PRRX2: variants seen among roughly 807,000 people sequenced by gnomAD.
PRRX2 encodes the protein paired related homeobox 2.
A neutral mutation model predicts 18.0 loss-of-function variants in PRRX2; 11 were observed. The ratio of observed to expected loss-of-function variants is 0.61; its 90% CI spans 0.39 to 1.01. The LOEUF is 1.01. Among genes scored for constraint, PRRX2 ranks in the 50% least tolerant of loss-of-function variants. PRRX2 has a pLI of 0.01. For synonymous variants in PRRX2, 177 were observed against 154.8 expected (o/e 1.14, Z -1.06); for missense variants, 387 against 351.0 (o/e 1.10, Z -0.82).
At chr9:129,716,098 G>A (rs1274631071) in intron 1 of PRRX2, among the ~76,000 whole-genome samples, 6 of 152,178 alleles carry the variant, frequency 3.9e-5, no homozygotes, top group East Asian at 1.9e-4. Flanking sequence ...AAACCCGGCC[G>A]GTGGGAATGC....
At chr9:129,696,629 C>G (rs369437628) in intron 1 of PRRX2, among the ~76,000 whole-genome samples, 3 of 152,110 alleles carry the variant, frequency 2.0e-5, no homozygotes, top group Non-Finnish European at 4.4e-5. Context: ...TAAAGCAAAG[C>G]TACCCTCGGT....
intron 1 of PRRX2, among the ~76,000 whole-genome samples, chr9:129,699,430 A>C (rs737188): frequency 1.4e-5 from 2 of 143,874 alleles, no homozygotes; most frequent in Non-Finnish European, 3.0e-5. Context: ...TCTCAAAAAA[A>C]ATATATATAT....
At chr9:129,666,184 G>A in intron 1 of PRRX2, 58 bp downstream of exon 1, 1 of 993,196 alleles carries the variant, frequency 1.0e-6, no homozygotes. Context: ...CCGGGGCCGG[G>A]GCGCGGGGTC....
chr9:129,694,813 A>T (rs1832400124), intron 1 of PRRX2, among the ~76,000 whole-genome samples: 1 of 152,130 alleles, frequency 6.6e-6, no homozygotes, highest in African/African-American at 2.4e-5. Context: ...CATGGGGGGC[A>T]GCGGAGGGAG....
chr9:129,683,381 G>A (rs1832257868), intron 1 of PRRX2, among the ~76,000 whole-genome samples: 1 of 152,208 alleles, frequency 6.6e-6, no homozygotes, highest in Admixed American at 6.5e-5. Flanking sequence ...CCTGCTCTGT[G>A]CAGGTCCTGG....
rs911042416 is a variant in PRRX2, at chr9:129,719,483, C to T, written c.447+65C>T. 7 of 1,422,364 alleles carry T rather than the reference C, an allele frequency of 4.9e-6. No individual in the cohort carries two copies. The African/African-American group carries it at 8.7e-5, about 18-fold the overall frequency. The allele number at this position is 1,422,364 out of a possible 1,614,324, so 88.1% of individuals were successfully genotyped here. On this transcript the variant is annotated intron_variant, in intron 2 of 3. Transcript: ENST00000372469. ...GTGGGAGCGCACAGCCACTGTTCAC[C>T]CGGGATTACACAGTTGCCCAGGAGG...
chr9:129,701,598 G>A (rs1279847009), intron 1 of PRRX2, among the ~76,000 whole-genome samples: 2 of 152,240 alleles, frequency 1.3e-5, no homozygotes, highest in African/African-American at 2.4e-5. Context: ...TGCACAGCCT[G>A]TGCAACCATA....
At chr9:129,666,284 G>A (rs1391003745) in intron 1 of PRRX2, among the ~76,000 whole-genome samples, 158 bp downstream of exon 1, 3 of 151,920 alleles carry the variant, frequency 2.0e-5, no homozygotes, top group Non-Finnish European at 4.4e-5. Flanking sequence ...GTGGACGGCG[G>A]TTGACCAGCA....
intron 1 of PRRX2, among the ~76,000 whole-genome samples, chr9:129,696,582 A>T (rs1219797659): frequency 1.3e-5 from 2 of 152,186 alleles, no homozygotes; most frequent in Non-Finnish European, 2.9e-5. Flanking sequence ...TCTCGAAAAA[A>T]ATAATAGTAA....
chr9:129,712,995 C>G (rs1832649641), intron 1 of PRRX2: 1 of 152,324 alleles, frequency 6.6e-6, no homozygotes, highest in Non-Finnish European at 1.5e-5. Context: ...ATGCATTTCT[C>G]AGGAGGTGAT....
intron 1 of PRRX2, among the ~76,000 whole-genome samples, chr9:129,684,412 G>GAC (rs1202663196): frequency 2.5e-5 from 3 of 120,310 alleles, no homozygotes; most frequent in African/African-American, 6.1e-5. Flanking sequence ...CACAGAGAGA[G>GAC]ACACACACAG....
chr9:129,700,118 A>G (rs1046345529), intron 1 of PRRX2, among the ~76,000 whole-genome samples: 1 of 152,176 alleles, frequency 6.6e-6, no homozygotes, highest in Non-Finnish European at 1.5e-5. Context: ...CTGCTTTAAG[A>G]ACCTTATATA....
chr9:129,678,424 G>A (rs1015714856), intron 1 of PRRX2, among the ~76,000 whole-genome samples: 3 of 152,222 alleles, frequency 2.0e-5, no homozygotes, highest in Admixed American at 1.3e-4. Context: ...CAAGGGAGCT[G>A]TGGTCCTTGG....
chr9:129,704,048 G>A (rs1832530902), intron 1 of PRRX2, among the ~76,000 whole-genome samples: 1 of 152,254 alleles, frequency 6.6e-6, no homozygotes, highest in Admixed American at 6.5e-5. Flanking sequence ...TGGTGCTTTA[G>A]GGTGGGGTCT....
intron 1 of PRRX2, among the ~76,000 whole-genome samples, chr9:129,684,360 C>G (rs1028771637): frequency 1.3e-5 from 2 of 151,742 alleles, no homozygotes; most frequent in East Asian, 3.9e-4. Context: ...GGCCTGGGTT[C>G]TCTCTCTCTG....
chr9:129,708,908 G>A (rs537281403), intron 1 of PRRX2, among the ~76,000 whole-genome samples: 8 of 152,328 alleles, frequency 5.3e-5, no homozygotes, highest in Non-Finnish European at 1.2e-4. Context: ...GGCCCTGCCC[G>A]TCTGGATCTT....
intron 1 of PRRX2, among the ~76,000 whole-genome samples, chr9:129,684,447 CA>C (rs1167684035): frequency 2.7e-4 from 40 of 148,972 alleles, no homozygotes; most frequent in African/African-American, 4.7e-4. Flanking sequence ...CACACACACA[CA>C]CACACACACA....
intron 1 of PRRX2, among the ~76,000 whole-genome samples, chr9:129,686,433 A>G (rs1189486832): frequency 6.6e-6 from 1 of 152,180 alleles, no homozygotes; most frequent in Non-Finnish European, 1.5e-5. Context: ...TGCAGTCTCC[A>G]TGTCCTGGGC....
rs565287992 is a variant in PRRX2, at chr9:129,707,217, C to T, written c.260-12014C>T. Among the ~76,000 whole-genome samples the T allele has an allele frequency of 7.2e-5, 11 of 152,194 alleles. No individual in the cohort carries two copies. In the East Asian group the frequency reaches 2.1e-3, roughly 29 times the overall value. ...GTTGCAGTGAGCTGAGATGGCGCCA[C>T]TGCACTCCAGCCTGGGCAACATAAT... On this transcript the variant is annotated intron_variant, in intron 1 of 3. Transcript: ENST00000372469.
Sources: gnomAD v4.1 joint callset for allele counts (sites outside exome capture counted in the v4.1 genomes callset) on GRCh38, gnomAD v4.1.1 for gene constraint, MANE v1.5 for transcripts, NCBI Gene and HGNC (gene_info 2026-07-23, HGNC 2026-07-21) for gene names.